IDE: variants seen among roughly 807,000 people sequenced by gnomAD.
The protein encoded by IDE is insulin degrading enzyme.
IDE carries 58 observed loss-of-function variants against 133.2 expected under a neutral mutation model. That is an observed-to-expected ratio of 0.44 (90% CI 0.35 to 0.54). IDE has a LOEUF of 0.54. Among genes scored for constraint, IDE ranks in the 20% least tolerant of loss-of-function variants. The pLI is 0.00. For synonymous variants in IDE, 396 were observed against 421.3 expected (o/e 0.94, Z 0.73); for missense variants, 981 against 1,234.0 (o/e 0.79, Z 3.07).
intron 13 of IDE, 110 bp downstream of exon 13, chr10:92,487,086 T>C: frequency 9.9e-7 from 1 of 1,009,464 alleles, no homozygotes; most frequent in Non-Finnish European, 1.4e-6. Context: ...CCTATTAGGA[T>C]GTGAGCCTCC....
At chr10:92,513,081 T>C (rs529538619) in intron 5 of IDE, among the ~76,000 whole-genome samples, 27 of 152,374 alleles carry the variant, frequency 1.8e-4, no homozygotes, top group Non-Finnish European at 4.4e-5. Flanking sequence ...TGTTGGACTG[T>C]AGAATGTGAG....
chr10:92,572,888 C>T, intron 1 of IDE: 1 of 985,296 alleles, frequency 1.0e-6, no homozygotes, highest in Non-Finnish European at 1.2e-6. Context: ...CCATACTACC[C>T]ATCTTCTGAC....
At chr10:92,534,942 T>G (rs1302892988) in intron 2 of IDE, among the ~76,000 whole-genome samples, 157 bp from the exon 3 acceptor site, 1 of 152,226 alleles carries the variant, frequency 6.6e-6, no homozygotes, top group East Asian at 1.9e-4. Context: ...AGAAAGTAAA[T>G]CAGTAGTCAG....
At chr10:92,461,727 C>T (rs982840161) in intron 21 of IDE, among the ~76,000 whole-genome samples, 1 of 151,270 alleles carries the variant, frequency 6.6e-6, no homozygotes, top group Non-Finnish European at 1.5e-5. Flanking sequence ...TGCAGTGGTG[C>T]GATCTCAGCT....
intron 1 of IDE, among the ~76,000 whole-genome samples, chr10:92,538,503 CT>C (rs1330165887): frequency 1.3e-5 from 2 of 152,232 alleles, no homozygotes; most frequent in Non-Finnish European, 2.9e-5. Context: ...TTTTTGTAAC[CT>C]GCTGAAGAGC....
intron 21 of IDE, 147 bp from the exon 22 acceptor site, chr10:92,461,399 CGCTGGAGTGCAGTG>C: frequency 2.2e-6 from 1 of 456,224 alleles, no homozygotes; most frequent in Non-Finnish European, 4.0e-6. Flanking sequence ...CTGTCACCCA[CGCTGGAGTGCAGTG>C]GCTCGATCTC....
chr10:92,484,165 C>A (rs1846805809), intron 13 of IDE, among the ~76,000 whole-genome samples: 1 of 152,176 alleles, frequency 6.6e-6, no homozygotes, highest in Admixed American at 6.5e-5. Flanking sequence ...ATAATCCCAG[C>A]ACTTTGGGAT....
intron 1 of IDE, among the ~76,000 whole-genome samples, chr10:92,545,441 T>C (rs1842497119): frequency 6.6e-6 from 1 of 152,204 alleles, no homozygotes; most frequent in African/African-American, 2.4e-5. Context: ...GAAAAGGCCA[T>C]GATAAATTAC....
At chr10:92,516,568 A>C (rs763368947) in intron 4 of IDE, among the ~76,000 whole-genome samples, 1 of 152,220 alleles carries the variant, frequency 6.6e-6, no homozygotes, top group Non-Finnish European at 1.5e-5. Flanking sequence ...TGAGTGCTTA[A>C]AAGACAAAAT....
chr10:92,535,378 T>G (rs904890181), intron 2 of IDE, among the ~76,000 whole-genome samples: 1 of 152,178 alleles, frequency 6.6e-6, no homozygotes. Flanking sequence ...GCTGGGATTA[T>G]AGGCTTGAGC....
At chr10:92,518,448 G>A (rs1360035848) in intron 4 of IDE, among the ~76,000 whole-genome samples, 2 of 152,160 alleles carry the variant, frequency 1.3e-5, no homozygotes, top group Non-Finnish European at 2.9e-5. Context: ...GACACCAACT[G>A]TTGTTTAGTA....
chr10:92,532,548 C>T (rs1849998840), intron 3 of IDE, among the ~76,000 whole-genome samples: 1 of 152,032 alleles, frequency 6.6e-6, no homozygotes, highest in Admixed American at 6.6e-5. Context: ...AGAAAAAGTC[C>T]ATAAAATTTT....
chr10:92,481,688 A>G (rs996468112), intron 14 of IDE, among the ~76,000 whole-genome samples: 1 of 152,254 alleles, frequency 6.6e-6, no homozygotes, highest in African/African-American at 2.4e-5. Context: ...ATAGACACAC[A>G]CATGAAAATT....
intron 10 of IDE, 47 bp from the exon 11 acceptor site, chr10:92,504,944 C>T (rs188517746): frequency 1.2e-6 from 1 of 853,558 alleles, no homozygotes; most frequent in South Asian, 1.6e-5. Flanking sequence ...AAAGCTACTA[C>T]ATAGTTTATT....
chr10:92,573,972 G>T lies in IDE; in HGVS notation c.48C>A (p.Thr16=). ...AWLLHPALPS[T]FRSVLGARLP... ...GGCGGGCGCCGAGGACTGAGCGGAA[G>T]GTGCTGGGCAGTGCGGGGTGCAGAA... The change falls in exon 1 of 25, where the codon ACC becomes ACA. Residue 16 remains threonine (T), a synonymous_variant. Coordinates refer to ENST00000265986, the MANE Select transcript of IDE (RefSeq NM_004969.4). 1 of 1,489,344 alleles carries T rather than the reference G, an allele frequency of 6.7e-7. No individual in the cohort carries two copies. 92.3% of individuals were successfully genotyped at this position (1,489,344 alleles called of 1,614,324 possible).
intron 15 of IDE, 90 bp from the exon 16 acceptor site, chr10:92,476,084 C>G: frequency 1.5e-6 from 1 of 654,806 alleles, no homozygotes; most frequent in Non-Finnish European, 2.7e-6. Flanking sequence ...TGTAGAAAAT[C>G]CCAAAACAGA....
At chr10:92,544,735 T>C (rs1177234048) in intron 1 of IDE, among the ~76,000 whole-genome samples, 3 of 152,220 alleles carry the variant, frequency 2.0e-5, no homozygotes, top group African/African-American at 4.8e-5. Flanking sequence ...TTTCACTCCT[T>C]CTTCTGCATA....
intron 17 of IDE, among the ~76,000 whole-genome samples, chr10:92,472,447 T>C (rs1350318294): frequency 6.6e-6 from 1 of 152,192 alleles, no homozygotes; most frequent in Non-Finnish European, 1.5e-5. Context: ...GCATATTAAC[T>C]GTCCTGATAA....
At chr10:92,500,348 T>C (rs10882071) in intron 11 of IDE, among the ~76,000 whole-genome samples, 43,626 of 150,986 alleles carry the variant, frequency 0.29, 7,794 homozygotes, top group East Asian at 0.67. Flanking sequence ...AAAGAAAATA[T>C]GGTATATACA....
Sources: allele counts gnomAD v4.1 joint callset (sites outside exome capture counted in the v4.1 genomes callset), GRCh38; gene constraint gnomAD v4.1.1; transcripts MANE v1.5; gene names NCBI Gene and HGNC (gene_info 2026-07-23, HGNC 2026-07-21).